The following MTUS1 variants were observed in gnomAD, a reference collection of about 807,000 sequenced individuals.
MTUS1 encodes microtubule-associated tumor suppressor 1.
In MTUS1, 109 loss-of-function variants were observed where a neutral mutation model predicts 120.8. The observed-to-expected ratio is 0.90, with a 90% CI of 0.77 to 1.06. MTUS1 has a LOEUF of 1.06. Among genes scored for constraint, MTUS1 ranks in the 50% least tolerant of loss-of-function variants. The probability of loss-of-function intolerance (pLI) is 0.00; values close to 1 mark genes in which losing one functional copy is unlikely to be tolerated. For missense variants in MTUS1, 2,210 were observed against 1,486.3 expected (o/e 1.49, Z -8.01); for synonymous variants, 737 against 550.5 (o/e 1.34, Z -4.74).
intron 1 of MTUS1, among the ~76,000 whole-genome samples, chr8:17,775,168 C>G (rs960664712): frequency 3.3e-5 from 5 of 152,028 alleles, no homozygotes; most frequent in African/African-American, 1.2e-4. Context: ...TCTGAAAATA[C>G]TGGTGATAGT....
intron 4 of MTUS1, among the ~76,000 whole-genome samples, chr8:17,720,248 G>C (rs1248849278): frequency 1.3e-5 from 2 of 151,978 alleles, no homozygotes; most frequent in African/African-American, 4.8e-5. Flanking sequence ...GGGAGGTTCA[G>C]ACAGGAGAAT....
chr8:17,771,601 A>C, intron 1 of MTUS1, among the ~76,000 whole-genome samples: 1 of 152,234 alleles, frequency 6.6e-6, no homozygotes, highest in East Asian at 1.9e-4. Context: ...TTCAAATTCC[A>C]ACAACAGATT....
chr8:17,665,034 T>C (rs561388253), intron 8 of MTUS1, among the ~76,000 whole-genome samples: 2 of 152,270 alleles, frequency 1.3e-5, no homozygotes, highest in African/African-American at 4.8e-5. Flanking sequence ...ACAGTATAGA[T>C]TGGTGATAGT....
chr8:17,798,376 A>T (rs1166492495), intron 1 of MTUS1, among the ~76,000 whole-genome samples: 1 of 152,132 alleles, frequency 6.6e-6, no homozygotes, highest in Non-Finnish European at 1.5e-5. Flanking sequence ...CCTGTTGCCC[A>T]GGCTGGAGTG....
intron 3 of MTUS1, among the ~76,000 whole-genome samples, chr8:17,738,571 ATTGTT>A (rs1216448528): frequency 6.6e-6 from 1 of 152,040 alleles, no homozygotes; most frequent in Non-Finnish European, 1.5e-5. Flanking sequence ...TGTATTTTTT[ATTGTT>A]TTAAGTTCCG....
At chr8:17,700,333 G>C (rs953155854) in intron 6 of MTUS1, among the ~76,000 whole-genome samples, 5 of 151,962 alleles carry the variant, frequency 3.3e-5, no homozygotes, top group South Asian at 4.2e-4. Context: ...AGCTGGGCAT[G>C]GTGACAGGGG....
Position 17,764,718 on chromosome 8 carries a change from G to A in MTUS1, c.-154-8757C>T, listed in dbSNP as rs561199964. Among the ~76,000 whole-genome samples the A allele has an allele frequency of 5.9e-5, 9 of 152,188 alleles. No individual in the cohort carries two copies. The East Asian group carries it at 9.6e-4, about 16-fold the overall frequency. On this transcript the variant is annotated intron_variant, in intron 1 of 14. Transcript: ENST00000693296. ...ACAGACGATATGGAAATGAACAAGC[G>A]CAACTGCATCCCAGTAAAATGATTT... is the stretch of plus-strand genomic sequence containing the variant.
At chr8:17,652,622 T>G (rs1002941155) in intron 12 of MTUS1, among the ~76,000 whole-genome samples, 7 of 152,078 alleles carry the variant, frequency 4.6e-5, no homozygotes, top group African/African-American at 1.4e-4. Flanking sequence ...GAATTTTACA[T>G]GTTAAAAGAG....
chr8:17,780,078 G>A (rs2050755862), intron 1 of MTUS1, among the ~76,000 whole-genome samples: 1 of 152,158 alleles, frequency 6.6e-6, no homozygotes, highest in Admixed American at 6.5e-5. Context: ...CTCATGAATG[G>A]CTTGGGGCTG....
intron 10 of MTUS1, chr8:17,653,768 A>C: frequency 3.1e-6 from 1 of 321,978 alleles, no homozygotes; most frequent in Non-Finnish European, 5.6e-6. Context: ...TTAGGACAAC[A>C]CTGAGTGCCA....
chr8:17,649,787 T>C, intron 13 of MTUS1, 59 bp downstream of exon 13: 6 of 914,136 alleles, frequency 6.6e-6, no homozygotes, highest in Non-Finnish European at 1.1e-5. Flanking sequence ...AATGCAGGGC[T>C]CAATTTCACA....
At chr8:17,795,606 C>G (rs892945311) in intron 1 of MTUS1, among the ~76,000 whole-genome samples, 3 of 151,766 alleles carry the variant, frequency 2.0e-5, no homozygotes, top group Non-Finnish European at 4.4e-5. Context: ...GTTTTTCTTA[C>G]TTTTATTTAT....
rs137995676 is a variant in MTUS1 at position 17,787,327 on chromosome 8, G to A, written c.-155+13734C>T. On this transcript the variant is annotated intron_variant, in intron 1 of 14. Transcript: ENST00000693296. ...GTCCCATGTGACAGACAGGTCACAT[G>A]ACAGTCACATTCCCCCATCCCTCCT... Among the ~76,000 whole-genome samples the A allele has an allele frequency of 8.2e-4, 125 of 152,308 alleles. No homozygotes were observed. In the Middle Eastern group the frequency reaches 0.014, roughly 17 times the overall value.
chr8:17,692,485 A>T (rs994459997), intron 6 of MTUS1, among the ~76,000 whole-genome samples: 2 of 152,214 alleles, frequency 1.3e-5, no homozygotes, highest in Non-Finnish European at 2.9e-5. Flanking sequence ...GTTGCTTCTT[A>T]GTGAAGCTGT....
chr8:17,730,071 C>T (rs936068041), intron 3 of MTUS1, among the ~76,000 whole-genome samples: 3 of 151,552 alleles, frequency 2.0e-5, no homozygotes, highest in East Asian at 3.9e-4. Context: ...GCAAGGCTAG[C>T]GGGAATGTAA....
rs1461342988 is a variant in MTUS1, at chr8:17,682,511, C to T, written c.2838+1817G>A. On this transcript the variant is annotated intron_variant, in intron 7 of 14. Transcript: ENST00000693296. ...CCAGTCTGAGTGACAGAGCAAGACT[C>T]CATCCCAAAAAAAAAAAAAAAAAAA... Among the ~76,000 whole-genome samples the T allele has an allele frequency of 6.0e-5, 5 of 83,856 alleles. 1 individual carries two copies. In the East Asian group the frequency reaches 1.8e-3, roughly 31 times the overall value. The allele number at this position is 83,856 out of a possible 152,430, so 55.0% of individuals were successfully genotyped here. A position where few individuals can be genotyped will look rare whatever the true frequency, so the allele number is the denominator to read the frequency against.
intron 10 of MTUS1, chr8:17,654,293 G>A (rs1807712404): frequency 6.2e-6 from 3 of 480,900 alleles, no homozygotes; most frequent in East Asian, 3.4e-5. Flanking sequence ...GACCTAAGCT[G>A]GCAACCACCA....
chr8:17,699,179 C>G (rs2937901), intron 6 of MTUS1, among the ~76,000 whole-genome samples: 116,911 of 152,116 alleles, frequency 0.77, 45,018 homozygotes, highest in Admixed American at 0.84. Context: ...TTTGTTGTTT[C>G]TTCAGTAACA....
At chr8:17,773,903 G>A (rs1303521402) in intron 1 of MTUS1, among the ~76,000 whole-genome samples, 1 of 152,104 alleles carries the variant, frequency 6.6e-6, no homozygotes, top group Non-Finnish European at 1.5e-5. Context: ...TTTCTGAGGT[G>A]GAAGCCAGGG....
Sources: allele counts gnomAD v4.1 joint callset (sites outside exome capture counted in the v4.1 genomes callset), GRCh38; gene constraint gnomAD v4.1.1; transcripts MANE v1.5; gene names NCBI Gene and HGNC (gene_info 2026-07-23, HGNC 2026-07-21).